Variants in CACNA2D4 observed in about 807,000 individuals in gnomAD.
The protein encoded by CACNA2D4 is voltage-dependent calcium channel subunit alpha-2/delta-4.
In CACNA2D4, 157 loss-of-function variants were observed where a neutral mutation model predicts 163.8. The ratio of observed to expected loss-of-function variants is 0.96; its 90% CI spans 0.84 to 1.09. CACNA2D4 has a LOEUF of 1.09. Among genes scored for constraint, CACNA2D4 ranks in the 50% least tolerant of loss-of-function variants. The pLI, the probability that CACNA2D4 is intolerant of heterozygous loss-of-function variation, is 0.00. For missense variants in CACNA2D4, 1,410 were observed against 1,479.9 expected (o/e 0.95, Z 0.78); for synonymous variants, 598 against 586.9 (o/e 1.02, Z -0.27).
intron 29 of CACNA2D4, among the ~76,000 whole-genome samples, chr12:1,807,981 TAA>T (rs1863595671): frequency 6.6e-6 from 1 of 152,316 alleles, no homozygotes; most frequent in East Asian, 1.9e-4. Flanking sequence ...GTGAATGAGT[TAA>T]GTCAACAAAT....
intron 14 of CACNA2D4, among the ~76,000 whole-genome samples, chr12:1,879,540 G>T (rs1306683212): frequency 6.6e-6 from 1 of 152,180 alleles, no homozygotes; most frequent in Non-Finnish European, 1.5e-5. Context: ...TATCCCCAAG[G>T]CAGGGGTCCC....
At chr12:1,903,551 TG>T (rs1292882222) in intron 6 of CACNA2D4, among the ~76,000 whole-genome samples, 1 of 151,608 alleles carries the variant, frequency 6.6e-6, no homozygotes, top group Non-Finnish European at 1.5e-5. Flanking sequence ...GATTTTTAAA[TG>T]GGAAAAAATC....
chr12:1,895,982 A>G (rs1866392081), intron 6 of CACNA2D4, among the ~76,000 whole-genome samples: 1 of 152,114 alleles, frequency 6.6e-6, no homozygotes, highest in African/African-American at 2.4e-5. Flanking sequence ...AACATACAAC[A>G]AGAAAAGAAC....
chr12:1,825,467 G>A (rs960945744), intron 26 of CACNA2D4, among the ~76,000 whole-genome samples: 6 of 152,228 alleles, frequency 3.9e-5, no homozygotes, highest in Non-Finnish European at 8.8e-5. Context: ...GTTCTCTCTA[G>A]ACCTTAGTTC....
In CACNA2D4 at chr12:1,869,226, GT is replaced by G. The variant is rs1210539477; in HGVS notation, c.1878+5377del. On this transcript the variant is annotated intron_variant, in intron 18 of 37. Coordinates refer to ENST00000382722, the MANE Select transcript of CACNA2D4 (RefSeq NM_172364.5). This position sits in a 1 kb window ranked among gnomAD's most constrained non-coding sequence, Gnocchi z 4.7. ...ATGCCCAGTGTGGTTTCGAGTCAGG[GT>G]CAGCCAAAGAGAAGTGTGTGTGAGA... is the stretch of plus-strand genomic sequence containing the variant. 6.6e-6 allele frequency among the ~76,000 whole-genome samples: 1 copy of G among 152,222 alleles called. No individual in the cohort carries two copies. Among genetic ancestry groups the G allele is most frequent in the Admixed American group, 6.5e-5 (1 of 15,284 alleles).
At chr12:1,797,359 C>T (rs1863161262) in intron 35 of CACNA2D4, 59 bp downstream of exon 35, 19 of 1,302,046 alleles carry the variant, frequency 1.5e-5, no homozygotes, top group Non-Finnish European at 2.0e-5. Flanking sequence ...CCCGCACTTC[C>T]GCCTTGCCGA....
rs369462143 is a variant in CACNA2D4, at chr12:1,797,544, G to A, written c.2996-9C>T. ...CTTCTTGTGTTTGTGGGCTGCGGGC[G>A]GAGAAAGGACATCACGCCACCGAAG... On this transcript the variant is annotated splice_polypyrimidine_tract_variant and intron_variant, in intron 34 of 37. Coordinates refer to ENST00000382722, the MANE Select transcript of CACNA2D4 (RefSeq NM_172364.5). 2 of 1,551,150 alleles carry A rather than the reference G, an allele frequency of 1.3e-6. No homozygotes were observed. Among genetic ancestry groups the A allele is most frequent in the Non-Finnish European group, 8.7e-7 (1 of 1,147,920 alleles).
In CACNA2D4 at chr12:1,843,806, C is replaced by T. The variant is rs766555254; in HGVS notation, c.2470+596G>A. 3.3e-5 allele frequency among the ~76,000 whole-genome samples: 5 copies of T among 152,084 alleles called. No homozygotes were observed. Among genetic ancestry groups the T allele is most frequent in the Non-Finnish European group, 5.9e-5 (4 of 68,012 alleles). ...TCTGAGAGTCTTCCTGGTCCCTGGC[C>T]GTGCAGGGATTTTGTGGTTGCCTCA... On this transcript the variant is annotated intron_variant, in intron 25 of 37. Transcript: ENST00000382722. The surrounding 1 kb of genome is among the most constrained non-coding windows in gnomAD (Gnocchi z 4.6).
chr12:1,916,037 C>T (rs1042484824), intron 1 of CACNA2D4, among the ~76,000 whole-genome samples: 2 of 152,026 alleles, frequency 1.3e-5, no homozygotes, highest in African/African-American at 2.4e-5. Flanking sequence ...ATCTGAGCTC[C>T]AGGTTAGAAG....
chr12:1,848,501 T>C (rs538551220), intron 23 of CACNA2D4, among the ~76,000 whole-genome samples: 1 of 152,346 alleles, frequency 6.6e-6, no homozygotes, highest in South Asian at 2.1e-4. Flanking sequence ...GAAAAATACA[T>C]GCATTCTTTT....
At position 1,801,689 on chromosome 12, in the gene CACNA2D4, A is replaced by T. The variant is rs189581999; in HGVS notation, c.2722-45T>A. 23 of 1,319,102 alleles carry T rather than the reference A, an allele frequency of 1.7e-5. No individual in the cohort carries two copies. The African/African-American group carries it at 3.1e-4, about 18-fold the overall frequency. The allele number at this position is 1,319,102 out of a possible 1,614,324, so 81.7% of individuals were successfully genotyped here. On this transcript the variant is annotated intron_variant, in intron 29 of 37. Transcript: ENST00000382722. ...GAGAGAGAGGGAGGGAGAGAGATGG[A>T]GCAGGATGGAGCCTTCCGAGTCCAG...
intron 26 of CACNA2D4, chr12:1,831,480 A>G (rs764481501): frequency 1.9e-6 from 3 of 1,613,946 alleles, no homozygotes; most frequent in Non-Finnish European, 2.5e-6. Context: ...GTGTGACTGT[A>G]ACCTGCGTGA....
At chr12:1,847,936 T>G (rs149284487) in intron 23 of CACNA2D4, among the ~76,000 whole-genome samples, 50 of 152,294 alleles carry the variant, frequency 3.3e-4, no homozygotes, top group African/African-American at 1.1e-3. Context: ...GATCAGATAA[T>G]CCAGTCGCCT....
intron 6 of CACNA2D4, among the ~76,000 whole-genome samples, chr12:1,902,904 C>A (rs1004189910): frequency 1.3e-5 from 2 of 152,032 alleles, no homozygotes; most frequent in African/African-American, 4.8e-5. Context: ...CCAGAAGAGC[C>A]AAAGTTATCC....
intron 35 of CACNA2D4, 190 bp from the exon 36 acceptor site, chr12:1,795,970 A>T: frequency 1.7e-6 from 1 of 597,826 alleles, no homozygotes; most frequent in Non-Finnish European, 3.0e-6. Context: ...CTTTGCTCAC[A>T]AGCCTTTGCT....
At chr12:1,866,432 A>G (rs567598952) in intron 18 of CACNA2D4, among the ~76,000 whole-genome samples, 3 of 152,336 alleles carry the variant, frequency 2.0e-5, no homozygotes, top group African/African-American at 7.2e-5. Context: ...TTTTTGAGAA[A>G]TTAAGAGAAT....
intron 26 of CACNA2D4, among the ~76,000 whole-genome samples, chr12:1,826,359 A>G (rs1864315341): frequency 6.6e-6 from 1 of 150,978 alleles, no homozygotes; most frequent in Non-Finnish European, 1.5e-5. Context: ...AGAGGCTTTA[A>G]GCAGTTTGTT....
chr12:1,888,433 A>G (rs753765050), intron 6 of CACNA2D4, among the ~76,000 whole-genome samples: 5 of 152,186 alleles, frequency 3.3e-5, no homozygotes, highest in Non-Finnish European at 7.4e-5. Context: ...GCAGACCCCT[A>G]TTAGTGGGAG....
At position 1,914,500 on chromosome 12, in the gene CACNA2D4, C is replaced by T. The variant is rs965726610; in HGVS notation, c.309+354G>A. On this transcript the variant is annotated intron_variant, in intron 2 of 37. Transcript: ENST00000382722. Reference sequence around the variant, plus strand: ...CTTCCAGGGCCCTGCACGTGCCCTCCAAGTCTCCGCTGGCATCACAGGTGT... The same window carrying T: ...CTTCCAGGGCCCTGCACGTGCCCTCTAAGTCTCCGCTGGCATCACAGGTGT... Among the ~76,000 whole-genome samples, 106 of 152,112 alleles carry T rather than the reference C, an allele frequency of 7.0e-4. 1 individual carries two copies. Among genetic ancestry groups the T allele is most frequent in the African/African-American group, 2.4e-3 (99 of 41,414 alleles).
Sources: allele counts gnomAD v4.1 joint callset (sites outside exome capture counted in the v4.1 genomes callset), GRCh38; gene constraint gnomAD v4.1.1; non-coding constraint Gnocchi (gnomAD v3.1); transcripts MANE v1.5; gene names NCBI Gene and HGNC (gene_info 2026-07-23, HGNC 2026-07-21).